STAB2: variants seen among roughly 807,000 people sequenced by gnomAD.
STAB2 encodes the protein stabilin-2.
In STAB2, 288 loss-of-function variants were observed where a neutral mutation model predicts 338.1. The ratio of observed to expected loss-of-function variants is 0.85; its 90% CI spans 0.77 to 0.94. The LOEUF (loss-of-function observed/expected upper bound fraction) is 0.94, where lower values mean the gene tolerates loss of function less well. Among genes scored for constraint, STAB2 ranks in the 40% least tolerant of loss-of-function variants. The pLI is 0.00. For missense variants in STAB2, 3,141 were observed against 3,210.1 expected (o/e 0.98, Z 0.52); for synonymous variants, 1,202 against 1,193.3 (o/e 1.01, Z -0.15).
chr12:103,712,755 C>T (rs1879983219), intron 41 of STAB2, among the ~76,000 whole-genome samples: 2 of 152,176 alleles, frequency 1.3e-5, no homozygotes, highest in African/African-American at 2.4e-5. Flanking sequence ...TTACTATATA[C>T]CCTAGAAATA....
intron 50 of STAB2, among the ~76,000 whole-genome samples, chr12:103,732,334 G>T (rs1881699609): frequency 6.6e-6 from 1 of 151,808 alleles, no homozygotes; most frequent in Non-Finnish European, 1.5e-5. Context: ...ATATCTTACT[G>T]ACTCCAGAGA....
chr12:103,612,146 T>A (rs1232128456), intron 3 of STAB2, among the ~76,000 whole-genome samples: 2 of 152,244 alleles, frequency 1.3e-5, no homozygotes, highest in Non-Finnish European at 2.9e-5. Flanking sequence ...CTTTGGTGAA[T>A]CTGACAATTA....
chr12:103,658,005 T>A (rs1437341325), intron 15 of STAB2: 6 of 152,146 alleles, frequency 3.9e-5, no homozygotes, highest in African/African-American at 1.2e-4. Context: ...GAGGCAAAAT[T>A]TCAGTCTGGA....
intron 34 of STAB2, 38 bp downstream of exon 34, chr12:103,699,265 G>A (rs770394081): frequency 2.0e-5 from 31 of 1,584,644 alleles, no homozygotes; most frequent in Admixed American, 8.5e-5. Flanking sequence ...CAATGCCACC[G>A]AGAATTACAT....
rs774705664 is a variant in STAB2, at chr12:103,669,618, A to T, written c.2250A>T (p.Gly750=). The change falls in exon 21 of 69, where the codon GGA becomes GGT. Residue 750 remains glycine, a synonymous_variant. Coordinates refer to ENST00000388887, the MANE Select transcript of STAB2 (RefSeq NM_017564.10). ...GAGGCTTCTCAAATCCATGCTCAGG[A>T]AATGGACAGGTGAATACTGAAGACT... ...CPGGFSNPCS[G]NGQCADSLGG... is the part of the protein sequence containing the mutation. 6.2e-7 allele frequency: 1 copy of T among 1,614,094 alleles called. No individual in the cohort carries two copies.
rs758912710 is a variant in STAB2, at chr12:103,713,727, C to T, written c.4496C>T (p.Thr1499Met). The T allele has an allele frequency of 1.1e-5, 18 of 1,614,094 alleles. No homozygotes were observed. Among genetic ancestry groups the T allele is most frequent in the East Asian group, 6.7e-5 (3 of 44,886 alleles). Residue 1499 changes from threonine to methionine, a missense_variant, in exon 42 of 69, where the codon ACG becomes ATG. Physicochemically the swap from Thr to Met is moderately conservative, Grantham distance 81. Transcript: ENST00000388887. ...ACCACCCCAGGAAGGCGAGTGTGCA[C>T]GTGCAAAGCAGGCTACACGGGTGAT... ...KRTTPGRRVC[T>M]CKAGYTGDGI...
At chr12:103,604,961 T>C (rs1197335232) in intron 3 of STAB2, among the ~76,000 whole-genome samples, 1 of 151,764 alleles carries the variant, frequency 6.6e-6, no homozygotes, top group Non-Finnish European at 1.5e-5. Flanking sequence ...TCTTCTTTTC[T>C]CATATAGTAT....
At chr12:103,727,659 G>A (rs978119162) in intron 47 of STAB2, among the ~76,000 whole-genome samples, 1 of 152,204 alleles carries the variant, frequency 6.6e-6, no homozygotes, top group Admixed American at 6.5e-5. Flanking sequence ...GGGAGTGGAG[G>A]GAGAGATGCT....
At chr12:103,734,040 T>A (rs1881877174) in intron 51 of STAB2, among the ~76,000 whole-genome samples, 1 of 148,092 alleles carries the variant, frequency 6.8e-6, no homozygotes, top group African/African-American at 2.5e-5. Context: ...ACAAGCGCGA[T>A]CATATGGGAG....
chr12:103,594,869 A>G (rs911747482), intron 3 of STAB2, among the ~76,000 whole-genome samples: 2 of 152,210 alleles, frequency 1.3e-5, no homozygotes, highest in African/African-American at 4.8e-5. Flanking sequence ...ACAATGTCTC[A>G]AAGACTGTAG....
chr12:103,766,555 C>T lies in STAB2; in HGVS notation c.*219C>T. 1 of 541,396 alleles carries T rather than the reference C, an allele frequency of 1.8e-6. No homozygotes were observed. The highest frequency in any genetic ancestry group is 3.3e-6 in the Non-Finnish European group (1 of 302,006). 33.5% of individuals were successfully genotyped at this position (541,396 alleles called of 1,614,324 possible). On this transcript the variant is annotated 3_prime_UTR_variant, in exon 69 of 69. Transcript: ENST00000388887. ...TCCTCTGACCCTTTGGCTCTTCTTC[C>T]TTTGTACTCTTCAGCTGGCACCTGC...
rs1450334513 is a variant in STAB2, at chr12:103,704,540, C to T, written c.3844-18C>T. On this transcript the variant is annotated intron_variant, in intron 35 of 68. Coordinates refer to ENST00000388887, the MANE Select transcript of STAB2 (RefSeq NM_017564.10). ...GTATTAAAGTTAATTACATTGATTG[C>T]TTTTGTGTTTTACCAAGGGAAGATG... 2.0e-5 allele frequency: 33 copies of T among 1,610,994 alleles called. No individual in the cohort carries two copies. In the Admixed American group the frequency reaches 4.9e-4, roughly 24 times the overall value.
At chr12:103,705,791 A>G (rs1879297142) in intron 37 of STAB2, 64 bp downstream of exon 37, 4 of 1,491,598 alleles carry the variant, frequency 2.7e-6, no homozygotes, top group Non-Finnish European at 2.8e-6. Context: ...ATCATATGGT[A>G]TCCTTTTCAA....
rs1882274574 is a variant in STAB2, at chr12:103,737,758, C to G, written c.5675C>G (p.Thr1892Ser). ...CCCACCCTGGGGGGCCGCTGTGACA[C>G]CTTTACTACTTTCGATGCCTCGGTC... is the stretch of plus-strand genomic sequence containing the variant. The part of the protein sequence containing the change: ...IDPTLGGRCD[T>S]FTTFDASGEC... The change falls in exon 53 of 69, where the codon ACC becomes AGC. Residue 1892 changes from threonine to serine, a missense_variant. Thr to Ser is a moderately conservative substitution (Grantham distance 58). Coordinates refer to ENST00000388887, the MANE Select transcript of STAB2 (RefSeq NM_017564.10). 6 of 1,613,860 alleles carry G rather than the reference C, an allele frequency of 3.7e-6. No homozygotes were observed. The South Asian group carries it at 6.6e-5, about 18-fold the overall frequency.
chr12:103,640,253 C>T lies in STAB2; in HGVS notation c.1037C>T (p.Thr346Ile). 6.2e-7 allele frequency: 1 copy of T among 1,608,438 alleles called. No individual in the cohort carries two copies. Among genetic ancestry groups the T allele is most frequent in the South Asian group, 1.1e-5 (1 of 90,260 alleles). The change falls in exon 9 of 69, where the codon ACT becomes ATT. Residue 346 changes from threonine (T) to isoleucine (I), a missense_variant. Coordinates refer to ENST00000388887, the MANE Select transcript of STAB2 (RefSeq NM_017564.10). ...TGCACCACCGTCGCACCAGGCCGAA[C>T]TGAGTAAGTCTTTTCAATTCCTCCA... ...ANCTTVAPGR[T>I]ECICQKGYVG...
intron 44 of STAB2, among the ~76,000 whole-genome samples, 162 bp from the exon 45 acceptor site, chr12:103,724,813 G>A (rs1881052382): frequency 1.3e-5 from 2 of 152,178 alleles, no homozygotes; most frequent in Admixed American, 1.3e-4. Context: ...ATGAGCATAG[G>A]GAATTGGAAG....
At chr12:103,727,653 G>A (rs1368748241) in intron 47 of STAB2, among the ~76,000 whole-genome samples, 1 of 152,378 alleles carries the variant, frequency 6.6e-6, no homozygotes, top group East Asian at 1.9e-4. Context: ...AAACAGGGGA[G>A]TGGAGGGAGA....
intron 15 of STAB2, among the ~76,000 whole-genome samples, chr12:103,659,434 T>C (rs1874435549): frequency 6.6e-6 from 1 of 152,244 alleles, no homozygotes; most frequent in Non-Finnish European, 1.5e-5. Context: ...ACATTCAACC[T>C]CTTGGCAGTT....
At chr12:103,744,661 A>G (rs538259907) in intron 56 of STAB2, among the ~76,000 whole-genome samples, 4 of 150,446 alleles carry the variant, frequency 2.7e-5, no homozygotes, top group Non-Finnish European at 5.9e-5. Flanking sequence ...TGTTTTGTAG[A>G]TACGGGGTTG....
Sources: allele counts gnomAD v4.1 joint callset (sites outside exome capture counted in the v4.1 genomes callset), GRCh38; gene constraint gnomAD v4.1.1; transcripts MANE v1.5; gene names NCBI Gene and HGNC (gene_info 2026-07-23, HGNC 2026-07-21).